CPZ: variants seen among roughly 807,000 people sequenced by gnomAD.
CPZ encodes VEZT/CPZ fusion.
CPZ carries 103 observed loss-of-function variants against 61.8 expected under a neutral mutation model. The ratio of observed to expected loss-of-function variants is 1.67; its 90% CI spans 1.42 to 1.96. The LOEUF is 1.96. CPZ is among the 30% of genes most tolerant of loss of function. The pLI, the probability that CPZ is intolerant of heterozygous loss-of-function variation, is 0.00. For synonymous variants in CPZ, 551 were observed against 373.7 expected (o/e 1.47, Z -5.47); for missense variants, 1,461 against 914.9 (o/e 1.60, Z -7.70).
chr4:8,611,026 CCTCA>C (rs1453464490), intron 7 of CPZ: 3 of 330,868 alleles, frequency 9.1e-6, no homozygotes, highest in African/African-American at 4.4e-5. Flanking sequence ...TCACTCATTC[CCTCA>C]CTCTTTCACT....
chr4:8,609,189 CA>C, intron 7 of CPZ, among the ~76,000 whole-genome samples: 1 of 127,768 alleles, frequency 7.8e-6, no homozygotes, highest in African/African-American at 2.7e-5. Context: ...CTCAGGCATT[CA>C]CTCACTCCCT....
At chr4:8,608,698 G>C (rs1038662367) in intron 7 of CPZ, among the ~76,000 whole-genome samples, 17 of 152,132 alleles carry the variant, frequency 1.1e-4, no homozygotes, top group African/African-American at 3.4e-4. Context: ...GGAACCCCCA[G>C]CCTGGTCTGG....
chr4:8,598,108 C>T (rs1714313076), intron 1 of CPZ, among the ~76,000 whole-genome samples: 1 of 152,208 alleles, frequency 6.6e-6, no homozygotes, highest in South Asian at 2.1e-4. Flanking sequence ...GCTGTGTGGA[C>T]CTCTTTTGTC....
chr4:8,617,777 A>G (rs543472484), intron 9 of CPZ, among the ~76,000 whole-genome samples: 1 of 152,282 alleles, frequency 6.6e-6, no homozygotes, highest in Admixed American at 6.5e-5. Flanking sequence ...TCTGCTGACT[A>G]GAGCAGGGGC....
At chr4:8,614,249 C>G in intron 8 of CPZ, 110 bp from the exon 9 acceptor site, 1 of 1,438,442 alleles carries the variant, frequency 7.0e-7, no homozygotes, top group Non-Finnish European at 9.4e-7. Context: ...TGTCTCTGCG[C>G]GGCTGACACC....
chr4:8,616,883 A>C (rs1716217480), intron 9 of CPZ, among the ~76,000 whole-genome samples: 1 of 152,210 alleles, frequency 6.6e-6, no homozygotes, highest in African/African-American at 2.4e-5. Flanking sequence ...CACGAGCCCC[A>C]GAGGGCAGGG....
In CPZ at chr4:8,604,038, C is replaced by T. The variant is rs1408372279; in HGVS notation, c.559C>T (p.His187Tyr). 2 of 1,612,118 alleles carry T rather than the reference C, an allele frequency of 1.2e-6. No homozygotes were observed. Among genetic ancestry groups the T allele is most frequent in the African/African-American group, 2.7e-5 (2 of 74,954 alleles). ...GCCGCCCACCTTCATCCGCTTCAGC[C>T]ACCACTCCTACGCCCAGATGGTGCG... ...GLPPTFIRFS[H>Y]HSYAQMVRVL... The change falls in exon 4 of 11, where the codon CAC (histidine) becomes TAC (tyrosine). Residue 187 changes from histidine to tyrosine, a missense_variant. Physicochemically the swap from His to Tyr is moderately conservative, Grantham distance 83. Coordinates refer to ENST00000360986, the MANE Select transcript of CPZ (RefSeq NM_001014447.3).
intron 10 of CPZ, among the ~76,000 whole-genome samples, 190 bp from the exon 11 acceptor site, chr4:8,619,072 G>GT: frequency 6.6e-6 from 1 of 152,150 alleles, no homozygotes; most frequent in Admixed American, 6.5e-5. Flanking sequence ...CCTAAGCAGG[G>GT]TTTTGAGGTA....
chr4:8,611,740 C>T (rs1018581727), intron 7 of CPZ, among the ~76,000 whole-genome samples: 2 of 152,002 alleles, frequency 1.3e-5, no homozygotes, highest in African/African-American at 4.8e-5. Context: ...GAGAGAAAGC[C>T]CACACTACCC....
At chr4:8,611,280 G>A (rs780535251) in intron 7 of CPZ, 47 of 456,134 alleles carry the variant, frequency 1.0e-4, no homozygotes, top group Non-Finnish European at 1.8e-4. Context: ...GTCAGTCTGG[G>A]ACTTACAGAC....
At position 8,604,131 on chromosome 4, in the gene CPZ, G is replaced by T; in HGVS notation, c.652G>T (p.Asp218Tyr). Residue 218 changes from aspartate to tyrosine, a missense_variant, in exon 4 of 11, where the codon GAC becomes TAC. By Grantham distance (160) the Asp-to-Tyr change is radical. Coordinates refer to ENST00000360986, the MANE Select transcript of CPZ (RefSeq NM_001014447.3). Reference sequence around the variant, plus strand: ...GACCTACAGCATCGGGCGCAGCTTCGACGGCAGGGAGCTGCTGGTCATCGA... The same window carrying T: ...GACCTACAGCATCGGGCGCAGCTTCTACGGCAGGGAGCTGCTGGTCATCGA... Reference protein sequence around the residue: ...ARTYSIGRSFDGRELLVIEFS... With the variant: ...ARTYSIGRSFYGRELLVIEFS... The T allele has an allele frequency of 1.3e-6, 2 of 1,593,130 alleles. No homozygotes were observed. Among genetic ancestry groups the T allele is most frequent in the Non-Finnish European group, 8.5e-7 (1 of 1,170,008 alleles).
At chr4:8,614,560 C>A in intron 9 of CPZ, 62 bp downstream of exon 9, 1 of 1,567,102 alleles carries the variant, frequency 6.4e-7, no homozygotes, top group East Asian at 2.3e-5. Context: ...GGGTCACATT[C>A]AGGCCCCCAG....
intron 1 of CPZ, among the ~76,000 whole-genome samples, chr4:8,596,519 G>T (rs1714194587): frequency 1.3e-5 from 2 of 152,250 alleles, no homozygotes; most frequent in African/African-American, 4.8e-5. Context: ...ATGGCTTATT[G>T]TGGGGTCACA....
chr4:8,601,114 C>T lies in CPZ; in HGVS notation c.122-9C>T. On this transcript the variant is annotated splice_polypyrimidine_tract_variant and intron_variant, in intron 2 of 10. Coordinates refer to ENST00000360986, the MANE Select transcript of CPZ (RefSeq NM_001014447.3). ...AGGAGGGACTGACCTGCCGACCCTG[C>T]CTCCCCAGCCACCTGCGTGGACCTG... The T allele has an allele frequency of 2.6e-6, 4 of 1,558,996 alleles. No homozygotes were observed. The highest frequency in any genetic ancestry group is 3.5e-6 in the Non-Finnish European group (4 of 1,146,792).
chr4:8,608,150 C>T (rs1370809496), intron 7 of CPZ, among the ~76,000 whole-genome samples: 1 of 151,336 alleles, frequency 6.6e-6, no homozygotes, highest in African/African-American at 2.5e-5. Context: ...CCCCCAGCCC[C>T]CAGCCCCCAG....
At chr4:8,604,602 C>T (rs1714802292) in intron 4 of CPZ, among the ~76,000 whole-genome samples, 1 of 152,198 alleles carries the variant, frequency 6.6e-6, no homozygotes, top group African/African-American at 2.4e-5. Flanking sequence ...CTGCCTCAGC[C>T]TCCCGAGTAG....
At chr4:8,605,092 G>C (rs537249594) in intron 4 of CPZ, among the ~76,000 whole-genome samples, 2 of 152,342 alleles carry the variant, frequency 1.3e-5, no homozygotes, top group South Asian at 4.1e-4. Flanking sequence ...GAGGTAACCA[G>C]CGCAGAAAGC....
At chr4:8,606,559 C>G (rs1043732321) in intron 5 of CPZ, among the ~76,000 whole-genome samples, 178 bp from the exon 6 acceptor site, 14 of 152,116 alleles carry the variant, frequency 9.2e-5, no homozygotes, top group Admixed American at 2.0e-4. Flanking sequence ...GTGACATCAG[C>G]AAGGAGCCCC....
intron 7 of CPZ, chr4:8,611,290 C>G (rs150602598): frequency 6.6e-6 from 3 of 456,214 alleles, no homozygotes; most frequent in South Asian, 4.6e-5. Context: ...GACTTACAGA[C>G]GGCCCAGAGC....
Sources: allele counts gnomAD v4.1 joint callset (sites outside exome capture counted in the v4.1 genomes callset), GRCh38; gene constraint gnomAD v4.1.1; transcripts MANE v1.5; gene names NCBI Gene and HGNC (gene_info 2026-07-23, HGNC 2026-07-21).